Variants in GTF2F2 observed in about 807,000 individuals in gnomAD.
GTF2F2 encodes the protein general transcription factor IIF subunit 2.
GTF2F2 carries 23 observed loss-of-function variants against 42.2 expected under a neutral mutation model. The ratio of observed to expected loss-of-function variants is 0.55; its 90% CI spans 0.39 to 0.77. The LOEUF (loss-of-function observed/expected upper bound fraction) is 0.77, where lower values mean the gene tolerates loss of function less well. Among genes scored for constraint, GTF2F2 ranks in the 30% least tolerant of loss-of-function variants. The pLI, the probability that GTF2F2 is intolerant of heterozygous loss-of-function variation, is 0.00. For missense variants in GTF2F2, 261 were observed against 287.2 expected (o/e 0.91, Z 0.66); for synonymous variants, 105 against 100.8 (o/e 1.04, Z -0.25).
At chr13:45,145,793 T>G (rs574864275) in intron 2 of GTF2F2, among the ~76,000 whole-genome samples, 1 of 152,132 alleles carries the variant, frequency 6.6e-6, no homozygotes, top group Non-Finnish European at 1.5e-5. Context: ...GGGCTGTAGC[T>G]CCCCTCAGTG....
intron 7 of GTF2F2, among the ~76,000 whole-genome samples, chr13:45,275,237 G>C (rs1876981520): frequency 6.6e-6 from 1 of 152,028 alleles, no homozygotes. Context: ...ATGAGAGATT[G>C]GCTCCAGGAC....
At chr13:45,248,679 T>C (rs1875751139) in intron 5 of GTF2F2, among the ~76,000 whole-genome samples, 1 of 152,100 alleles carries the variant, frequency 6.6e-6, no homozygotes, top group South Asian at 2.1e-4. Flanking sequence ...TTTCGCCATG[T>C]TGGGCAAGCT....
intron 5 of GTF2F2, among the ~76,000 whole-genome samples, chr13:45,212,558 CTCTT>C (rs781595408): frequency 1.2e-4 from 17 of 145,692 alleles, no homozygotes; most frequent in African/African-American, 1.8e-4. Flanking sequence ...CTCTCTTTCT[CTCTT>C]TCTTTCTTTC....
chr13:45,282,725 G>A (rs532696289), intron 7 of GTF2F2, among the ~76,000 whole-genome samples: 11 of 152,172 alleles, frequency 7.2e-5, no homozygotes, highest in African/African-American at 2.6e-4. Flanking sequence ...GGCTGGTCTC[G>A]AACTCCTGAC....
chr13:45,125,278 T>C (rs912414), intron 1 of GTF2F2, among the ~76,000 whole-genome samples: 1 of 152,088 alleles, frequency 6.6e-6, no homozygotes, highest in African/African-American at 2.4e-5. Context: ...GCCATAGAAA[T>C]TTTTTTTCCC....
intron 5 of GTF2F2, chr13:45,220,840 G>A (rs1352162362): frequency 2.0e-5 from 3 of 151,904 alleles, no homozygotes; most frequent in Non-Finnish European, 4.4e-5. Context: ...TTCTCCTTTG[G>A]TTACTGACCT....
intron 4 of GTF2F2, among the ~76,000 whole-genome samples, chr13:45,178,975 T>C (rs1219790934): frequency 6.6e-6 from 1 of 152,216 alleles, no homozygotes; most frequent in Non-Finnish European, 1.5e-5. Context: ...CTGTCCTTTG[T>C]GGTTTCTCTT....
rs2138229332 is a variant in GTF2F2 at position 45,238,575 on chromosome 13, A to G, written c.387-14296A>G. Among the ~76,000 whole-genome samples the G allele has an allele frequency of 2.0e-5, 3 of 152,258 alleles. No homozygotes were observed. The South Asian group carries it at 6.2e-4, about 32-fold the overall frequency. ...CTGTCACACACACATTTATTTTGGA[A>G]TCCGAACTTTCGAGATGAAAAGCAG... On this transcript the variant is annotated intron_variant, in intron 5 of 7. Coordinates refer to ENST00000340473, the MANE Select transcript of GTF2F2 (RefSeq NM_004128.3).
intron 2 of GTF2F2, among the ~76,000 whole-genome samples, chr13:45,146,848 A>G (rs1467395491): frequency 6.6e-6 from 1 of 152,242 alleles, no homozygotes; most frequent in Non-Finnish European, 1.5e-5. Flanking sequence ...TACAATAATT[A>G]GCATTTAAAA....
intron 2 of GTF2F2, among the ~76,000 whole-genome samples, chr13:45,142,640 G>A (rs1418728819): frequency 1.3e-5 from 2 of 152,188 alleles, no homozygotes; most frequent in African/African-American, 4.8e-5. Flanking sequence ...TACTTTTAGT[G>A]ATGAGAACAG....
intron 6 of GTF2F2, among the ~76,000 whole-genome samples, chr13:45,256,250 A>C (rs1351484778): frequency 1.3e-5 from 2 of 152,068 alleles, no homozygotes; most frequent in Non-Finnish European, 2.9e-5. Context: ...GAAAGGAAAG[A>C]AAGCCAGGGA....
chr13:45,246,431 A>G (rs577314095), intron 5 of GTF2F2, among the ~76,000 whole-genome samples: 2 of 152,154 alleles, frequency 1.3e-5, no homozygotes, highest in African/African-American at 2.4e-5. Context: ...ACCACTTTCT[A>G]TTGAATCTGT....
At chr13:45,281,953 C>G (rs1412677973) in intron 7 of GTF2F2, among the ~76,000 whole-genome samples, 1 of 152,144 alleles carries the variant, frequency 6.6e-6, no homozygotes, top group Non-Finnish European at 1.5e-5. Context: ...AATCCCAGCA[C>G]TTTGGGAGGC....
At chr13:45,220,258 C>G (rs1337304758) in intron 5 of GTF2F2, among the ~76,000 whole-genome samples, 1 of 152,114 alleles carries the variant, frequency 6.6e-6, no homozygotes, top group East Asian at 1.9e-4. Context: ...TGTTACTTCC[C>G]TATATTTCAT....
chr13:45,142,448 G>A (rs1203142484), intron 2 of GTF2F2, among the ~76,000 whole-genome samples: 5 of 152,178 alleles, frequency 3.3e-5, no homozygotes, highest in South Asian at 2.1e-4. Context: ...GATTACAGGC[G>A]TGAGCCACCA....
intron 7 of GTF2F2, among the ~76,000 whole-genome samples, chr13:45,276,671 C>T (rs1180275242): frequency 6.6e-6 from 1 of 152,130 alleles, no homozygotes; most frequent in Non-Finnish European, 1.5e-5. Flanking sequence ...GAGCTCCTGA[C>T]CTCAGGTGAT....
At chr13:45,258,715 C>G (rs1876203178) in intron 6 of GTF2F2, among the ~76,000 whole-genome samples, 1 of 152,184 alleles carries the variant, frequency 6.6e-6, no homozygotes, top group African/African-American at 2.4e-5. Context: ...AAAACTTACT[C>G]TTAAAATTAT....
At chr13:45,282,443 G>A (rs1331609368) in intron 7 of GTF2F2, among the ~76,000 whole-genome samples, 2 of 152,076 alleles carry the variant, frequency 1.3e-5, no homozygotes, top group African/African-American at 4.8e-5. Context: ...CTTTTCTTTG[G>A]AGAAGCCAAA....
chr13:45,221,015 C>G, intron 5 of GTF2F2: 1 of 152,112 alleles, frequency 6.6e-6, no homozygotes, highest in East Asian at 1.9e-4. Flanking sequence ...ATTTGTATCT[C>G]TGGCCTAGAC....
Sources: gnomAD v4.1 joint callset for allele counts (sites outside exome capture counted in the v4.1 genomes callset) on GRCh38, gnomAD v4.1.1 for gene constraint, MANE v1.5 for transcripts, NCBI Gene and HGNC (gene_info 2026-07-23, HGNC 2026-07-21) for gene names.